Variants in RBFOX1 observed in about 807,000 individuals in gnomAD.
The protein encoded by RBFOX1 is RNA binding fox-1 homolog 1.
In RBFOX1, 8 loss-of-function variants were observed where a neutral mutation model predicts 57.7. The ratio of observed to expected loss-of-function variants is 0.14; its 90% CI spans 0.08 to 0.25. The LOEUF (loss-of-function observed/expected upper bound fraction) is 0.25. RBFOX1 is among the 10% of genes least tolerant of loss of function. RBFOX1 has a pLI of 1.00. For synonymous variants in RBFOX1, 326 were observed against 222.4 expected (o/e 1.47, Z -4.15); for missense variants, 611 against 548.5 (o/e 1.11, Z -1.14).
chr16:5,418,418 G>T (rs12443941), intron 1 of RBFOX1, among the ~76,000 whole-genome samples: 1 of 152,086 alleles, frequency 6.6e-6, no homozygotes, highest in African/African-American at 2.4e-5. Flanking sequence ...CATCAGGTCC[G>T]ACGTGATCAA....
chr16:5,504,667 G>A (rs2043318248), intron 2 of RBFOX1, among the ~76,000 whole-genome samples: 1 of 152,222 alleles, frequency 6.6e-6, no homozygotes, highest in South Asian at 2.1e-4. Flanking sequence ...ACCATTTGCT[G>A]AGCATTTGCT....
At position 6,364,158 on chromosome 16, in the gene RBFOX1, C is replaced by G. The variant is rs547412515; in HGVS notation, c.-64+47101C>G. On this transcript the variant is annotated intron_variant, in intron 2 of 15. Transcript: ENST00000550418. Reference sequence around the variant, plus strand: ...CTGCTGTACTGAGAAGTCCAACTCTCCTTTGCAAGCCAGGAAAAATAGGAC... The same window carrying G: ...CTGCTGTACTGAGAAGTCCAACTCTGCTTTGCAAGCCAGGAAAAATAGGAC... Among the ~76,000 whole-genome samples the G allele has an allele frequency of 5.7e-4, 87 of 152,284 alleles. 2 individuals are homozygous for G. The South Asian group carries it at 0.018, about 31-fold the overall frequency.
chr16:5,452,550 T>A (rs1199321715), intron 1 of RBFOX1, among the ~76,000 whole-genome samples: 2 of 152,060 alleles, frequency 1.3e-5, no homozygotes, highest in Admixed American at 1.3e-4. Flanking sequence ...TTTCAACAAT[T>A]CCCATTTGTT....
chr16:6,998,446 GC>G (rs2092457891), intron 3 of RBFOX1, among the ~76,000 whole-genome samples: 2 of 152,148 alleles, frequency 1.3e-5, no homozygotes, highest in African/African-American at 4.8e-5. Flanking sequence ...GGGGATGGGG[GC>G]AGTTGTGTTA....
chr16:6,841,119 G>A (rs2093437720), intron 3 of RBFOX1, among the ~76,000 whole-genome samples: 1 of 151,346 alleles, frequency 6.6e-6, no homozygotes, highest in African/African-American at 2.4e-5. Context: ...TTGTGCATTT[G>A]CTTAAGTTCC....
chr16:7,257,761 C>G (rs1341120226), intron 4 of RBFOX1, among the ~76,000 whole-genome samples: 1 of 152,178 alleles, frequency 6.6e-6, no homozygotes, highest in Non-Finnish European at 1.5e-5. Context: ...CAGTAGAACT[C>G]TGCAGATTTG....
intron 4 of RBFOX1, among the ~76,000 whole-genome samples, chr16:7,436,965 G>T (rs1443553901): frequency 6.6e-6 from 1 of 152,176 alleles, no homozygotes; most frequent in East Asian, 1.9e-4. Context: ...CCTGTAATCC[G>T]AGCTACTCAG....
At chr16:6,175,614 C>T (rs1463759626) in intron 1 of RBFOX1, among the ~76,000 whole-genome samples, 2 of 152,048 alleles carry the variant, frequency 1.3e-5, no homozygotes, top group Non-Finnish European at 2.9e-5. Context: ...CTCAAGGGCA[C>T]GCTGTAGGAT....
rs1217438377 is a variant in RBFOX1, at chr16:5,548,173, AAATATATATATAT to A, written c.259-50727_259-50715del. Among the ~76,000 whole-genome samples, 41 of 33,418 alleles carry A rather than the reference AAATATATATATAT, an allele frequency of 1.2e-3. 1 individual carries two copies. Among genetic ancestry groups the A allele is most frequent in the African/African-American group, 2.6e-3 (31 of 11,820 alleles). The allele number at this position is 33,418 out of a possible 152,430, so 21.9% of individuals were successfully genotyped here. A position where few individuals can be genotyped will look rare whatever the true frequency, so the allele number is the denominator to read the frequency against. ...AAGACTCTGTTAAAAAAAAAAAAAA[AAATATATATATAT>A]ATATATATATATATATATAGACATT... On this transcript the variant is annotated intron_variant, in intron 2 of 2. Coordinates refer to the RBFOX1 transcript ENST00000585867.
In RBFOX1 at chr16:7,222,938, A is replaced by AT. The variant is rs143420886; in HGVS notation, c.27+170849dup. Among the ~76,000 whole-genome samples, 645 of 151,666 alleles carry AT rather than the reference A, an allele frequency of 4.3e-3. 13 individuals carry two copies. Among genetic ancestry groups the AT allele is most frequent in the East Asian group, 0.04 (204 of 5,150 alleles). On this transcript the variant is annotated intron_variant, in intron 4 of 15. Coordinates refer to ENST00000550418, the MANE Select transcript of RBFOX1 (RefSeq NM_018723.4). Reference sequence around the variant, plus strand: ...TCAACCAGTCCTCTCATTTGCAGCGATTTTTTTTTCTTTGAGCGTCCCTTG... The same window carrying AT: ...TCAACCAGTCCTCTCATTTGCAGCGATTTTTTTTTTCTTTGAGCGTCCCTTG...
intron 3 of RBFOX1, among the ~76,000 whole-genome samples, chr16:6,981,187 G>T (rs2088741803): frequency 6.6e-6 from 1 of 151,844 alleles, no homozygotes; most frequent in Non-Finnish European, 1.5e-5. Flanking sequence ...TGTGTGATGG[G>T]GGTTTGTGGT....
chr16:7,120,006 T>C (rs1344506445), intron 4 of RBFOX1, among the ~76,000 whole-genome samples: 1 of 150,658 alleles, frequency 6.6e-6, no homozygotes, highest in Non-Finnish European at 1.5e-5. Context: ...TGCTTTCCTC[T>C]GACAAAATTG....
At chr16:6,200,238 C>A (rs555612932) in intron 1 of RBFOX1, among the ~76,000 whole-genome samples, 2 of 152,180 alleles carry the variant, frequency 1.3e-5, no homozygotes, top group African/African-American at 4.8e-5. Flanking sequence ...GCCTCAAGAA[C>A]AGCCGGGATT....
intron 2 of RBFOX1, among the ~76,000 whole-genome samples, chr16:6,460,439 C>G (rs2094890423): frequency 6.6e-6 from 1 of 150,524 alleles, no homozygotes; most frequent in Non-Finnish European, 1.5e-5. Flanking sequence ...TGGGCAAAGG[C>G]TATGAACAGA....
intron 3 of RBFOX1, among the ~76,000 whole-genome samples, chr16:5,746,375 T>A (rs1415044882): frequency 1.3e-5 from 2 of 152,244 alleles, no homozygotes; most frequent in Non-Finnish European, 2.9e-5. Context: ...GGTAGCATGA[T>A]GCTTCCAGCT....
chr16:6,688,394 A>G (rs917057305), intron 3 of RBFOX1, among the ~76,000 whole-genome samples: 1 of 152,132 alleles, frequency 6.6e-6, no homozygotes, highest in Non-Finnish European at 1.5e-5. Flanking sequence ...GAGGATTACA[A>G]TTGGGCATGT....
intron 2 of RBFOX1, among the ~76,000 whole-genome samples, chr16:5,503,437 G>A (rs897508258): frequency 6.6e-6 from 1 of 152,176 alleles, no homozygotes; most frequent in Non-Finnish European, 1.5e-5. Flanking sequence ...TTCTTTCTTT[G>A]TTTTGTTTTT....
chr16:6,565,748 G>T (rs139101192), intron 2 of RBFOX1, among the ~76,000 whole-genome samples: 1 of 152,238 alleles, frequency 6.6e-6, no homozygotes, highest in Non-Finnish European at 1.5e-5. Context: ...GATTACAGGT[G>T]TGAGTCACTG....
intron 4 of RBFOX1, among the ~76,000 whole-genome samples, chr16:7,245,664 T>C (rs914727312): frequency 2.6e-5 from 4 of 152,360 alleles, no homozygotes; most frequent in African/African-American, 7.2e-5. Flanking sequence ...CTTAGCCTTA[T>C]GTTTTTGTTT....
Sources: allele counts gnomAD v4.1 joint callset (sites outside exome capture counted in the v4.1 genomes callset), GRCh38; gene constraint gnomAD v4.1.1; transcripts MANE v1.5; gene names NCBI Gene and HGNC (gene_info 2026-07-23, HGNC 2026-07-21).